SLIT3: variants seen among roughly 807,000 people sequenced by gnomAD.
The protein encoded by SLIT3 is slit guidance ligand 3.
A neutral mutation model predicts 184.0 loss-of-function variants in SLIT3; 68 were observed. That is an observed-to-expected ratio of 0.37 (90% CI 0.30 to 0.45). The LOEUF is 0.45. SLIT3 is among the 20% of genes least tolerant of loss of function. The pLI, the probability that SLIT3 is intolerant of heterozygous loss-of-function variation, is 1.00. For synonymous variants in SLIT3, 831 were observed against 828.6 expected, an observed-to-expected ratio of 1.00 and a Z score of -0.05; for missense variants, 1,707 against 2,026.0, an observed-to-expected ratio of 0.84 and a Z score of 3.02.
intron 2 of SLIT3, among the ~76,000 whole-genome samples, chr5:169,251,024 TTGCTCTTTTAA>T (rs1765756153): frequency 6.6e-6 from 1 of 152,212 alleles, no homozygotes; most frequent in African/African-American, 2.4e-5. Context: ...TTTGTCCTGA[TTGCTCTTTTAA>T]TGCACAGGCT....
At chr5:169,145,271 G>T (rs1174115407) in intron 4 of SLIT3, among the ~76,000 whole-genome samples, 4 of 151,884 alleles carry the variant, frequency 2.6e-5, no homozygotes, top group Non-Finnish European at 4.4e-5. Flanking sequence ...CCTGTCTCCT[G>T]GACTACAGAG....
At chr5:168,977,050 T>C (rs1298706284) in intron 4 of SLIT3, among the ~76,000 whole-genome samples, 4 of 151,484 alleles carry the variant, frequency 2.6e-5, no homozygotes, top group African/African-American at 9.7e-5. Flanking sequence ...AGGTCCTCAG[T>C]GGGGAACAAA....
chr5:169,300,893 G>GGCGGCA lies in SLIT3; in HGVS notation c.-190_-185dup, dbSNP rs879586085. 49 of 358,524 alleles carry GGCGGCA rather than the reference G, an allele frequency of 1.4e-4. No individual in the cohort carries two copies. In the South Asian group the frequency reaches 2.2e-3, roughly 16 times the overall value. The allele number at this position is 358,524 out of a possible 1,614,324, so 22.2% of individuals were successfully genotyped here. A position where few individuals can be genotyped will look rare whatever the true frequency, so the allele number is the denominator to read the frequency against. ...GGAGCGGGGCGCTCCGGGCGGCGGC[G>GGCGGCA]GCGGCAGCAACAGCAGCTCCATCGG... On this transcript the variant is annotated 5_prime_UTR_variant, in exon 1 of 36. Coordinates refer to ENST00000519560, the MANE Select transcript of SLIT3 (RefSeq NM_003062.4). This position sits in a 1 kb window ranked among gnomAD's most constrained non-coding sequence, Gnocchi z 4.1.
chr5:168,792,818 T>C (rs1272804633), intron 10 of SLIT3, among the ~76,000 whole-genome samples: 1 of 152,152 alleles, frequency 6.6e-6, no homozygotes, highest in Non-Finnish European at 1.5e-5. Context: ...AAATCCAAAA[T>C]CTGAAATGCT....
chr5:168,918,157 C>A (rs1023885749), intron 4 of SLIT3, among the ~76,000 whole-genome samples: 2 of 152,028 alleles, frequency 1.3e-5, no homozygotes, highest in Non-Finnish European at 2.9e-5. Flanking sequence ...ATATAATAAA[C>A]AGCAATGCCA....
At chr5:168,859,290 A>G (rs755659615) in intron 5 of SLIT3, among the ~76,000 whole-genome samples, 5 of 152,186 alleles carry the variant, frequency 3.3e-5, no homozygotes, top group African/African-American at 4.8e-5. Context: ...AGCAAATGAC[A>G]AAATCGATAA....
At chr5:168,851,621 A>C (rs955166835) in intron 5 of SLIT3, among the ~76,000 whole-genome samples, 1 of 152,106 alleles carries the variant, frequency 6.6e-6, no homozygotes, top group Non-Finnish European at 1.5e-5. Flanking sequence ...GGTCATCCCC[A>C]TGTTTGGACC....
At chr5:169,043,441 A>G (rs1757517395) in intron 4 of SLIT3, among the ~76,000 whole-genome samples, 2 of 152,254 alleles carry the variant, frequency 1.3e-5, no homozygotes, top group Admixed American at 1.3e-4. Context: ...TTCAATGATA[A>G]GAATAATTAT....
intron 4 of SLIT3, among the ~76,000 whole-genome samples, chr5:169,061,369 C>G (rs1758167613): frequency 6.6e-6 from 1 of 152,142 alleles, no homozygotes; most frequent in Non-Finnish European, 1.5e-5. Context: ...GGACCAGAAC[C>G]CAGGTTTGCT....
intron 6 of SLIT3, among the ~76,000 whole-genome samples, chr5:168,835,960 C>T (rs1026566442): frequency 3.9e-5 from 6 of 152,210 alleles, no homozygotes; most frequent in Admixed American, 3.3e-4. Context: ...CCTGGTCCAT[C>T]CCTTACTTTT....
intron 4 of SLIT3, among the ~76,000 whole-genome samples, chr5:169,006,580 C>CTCTG (rs761073086): frequency 7.4e-6 from 1 of 135,544 alleles, no homozygotes; most frequent in African/African-American, 2.8e-5. Flanking sequence ...TCCCCCTCTT[C>CTCTG]TCTCTCTCTC....
At chr5:168,839,455 A>C (rs1215983790) in intron 6 of SLIT3, among the ~76,000 whole-genome samples, 1 of 152,220 alleles carries the variant, frequency 6.6e-6, no homozygotes, top group East Asian at 1.9e-4. Context: ...TGCAATGCAG[A>C]AATGCCGGCC....
chr5:169,016,592 T>C (rs2113474828), intron 4 of SLIT3, among the ~76,000 whole-genome samples: 1 of 152,378 alleles, frequency 6.6e-6, no homozygotes, highest in Admixed American at 6.5e-5. Flanking sequence ...TCTTATTTAC[T>C]GAGCACTGTA....
rs79431539 is a variant in SLIT3 at position 168,670,085 on chromosome 5, G to A, written c.4128-94C>T. 1.2e-3 allele frequency: 1,170 copies of A among 991,740 alleles called. 5 individuals are homozygous for A. The African/African-American group carries it at 0.017, about 14-fold the overall frequency. The allele number at this position is 991,740 out of a possible 1,614,324, so 61.4% of individuals were successfully genotyped here. On this transcript the variant is annotated intron_variant, in intron 34 of 35. Transcript: ENST00000519560. ...CACCCAGCCAGGGACCAGGGGACCC[G>A]GAGCTGAGTACAGTCCAATAGCTTT...
chr5:169,251,504 T>C, intron 1 of SLIT3, 45 bp from the exon 2 acceptor site: 1 of 1,291,954 alleles, frequency 7.7e-7, no homozygotes, highest in Non-Finnish European at 1.1e-6. Flanking sequence ...TGGGTTACAA[T>C]TACGGTCTAT....
At chr5:169,161,735 T>C (rs1418156638) in intron 4 of SLIT3, among the ~76,000 whole-genome samples, 1 of 151,438 alleles carries the variant, frequency 6.6e-6, no homozygotes, top group Non-Finnish European at 1.5e-5. Context: ...CCATTCTTAG[T>C]GTAACCTGGG....
intron 4 of SLIT3, among the ~76,000 whole-genome samples, chr5:169,067,586 C>G (rs1237684794): frequency 6.6e-6 from 1 of 152,162 alleles, no homozygotes; most frequent in East Asian, 1.9e-4. Flanking sequence ...TCTGAATGAG[C>G]CTTTTGCAGC....
chr5:169,039,436 C>T (rs938061240), intron 4 of SLIT3, among the ~76,000 whole-genome samples: 1 of 151,684 alleles, frequency 6.6e-6, no homozygotes. Flanking sequence ...CCTGCCTCAG[C>T]CTCCTGAGTA....
intron 19 of SLIT3, 106 bp from the exon 20 acceptor site, chr5:168,748,540 C>G: frequency 1.3e-5 from 15 of 1,152,276 alleles, no homozygotes; most frequent in Non-Finnish European, 1.6e-5. Context: ...TGTCCCCTGT[C>G]CCCGCTGTGT....
Sources: gnomAD v4.1 joint callset for allele counts (sites outside exome capture counted in the v4.1 genomes callset) on GRCh38, gnomAD v4.1.1 for gene constraint, Gnocchi (gnomAD v3.1) non-coding constraint, MANE v1.5 for transcripts, NCBI Gene and HGNC (gene_info 2026-07-23, HGNC 2026-07-21) for gene names.